Variants in CD36 observed in about 807,000 individuals in gnomAD.
The protein encoded by CD36 is CD36 molecule (CD36 blood group), also known as platelet glycoprotein 4.
A neutral mutation model predicts 55.2 loss-of-function variants in CD36; 119 were observed. The ratio of observed to expected loss-of-function variants is 2.15; its 90% CI spans 1.86 to 2.51. CD36 has a LOEUF of 2.51. CD36 is among the 30% of genes most tolerant of loss of function. The probability of loss-of-function intolerance (pLI) is 0.00; values close to 1 mark genes in which losing one functional copy is unlikely to be tolerated. For synonymous variants in CD36, 186 were observed against 193.6 expected (o/e 0.96, Z 0.33); for missense variants, 819 against 555.5 (o/e 1.47, Z -4.77).
intron 10 of CD36, among the ~76,000 whole-genome samples, 155 bp downstream of exon 10, chr7:80,671,319 A>G (rs927256991): frequency 6.6e-6 from 1 of 152,118 alleles, no homozygotes; most frequent in Non-Finnish European, 1.5e-5. Flanking sequence ...TCCTTTAGCA[A>G]CCAAAATTTA....
At chr7:80,643,679 C>T (rs1374959686) in intron 1 of CD36, among the ~76,000 whole-genome samples, 1 of 152,092 alleles carries the variant, frequency 6.6e-6, no homozygotes, top group Non-Finnish European at 1.5e-5. Flanking sequence ...TAATGCACTT[C>T]CACGTAAGAA....
chr7:80,647,051 T>A, intron 3 of CD36, 191 bp downstream of exon 3: 1 of 567,848 alleles, frequency 1.8e-6, no homozygotes, highest in Non-Finnish European at 3.1e-6. Flanking sequence ...TAATGTATAT[T>A]TAACATGACT....
At chr7:80,652,592 C>G (rs1322236922) in intron 3 of CD36, among the ~76,000 whole-genome samples, 1 of 152,054 alleles carries the variant, frequency 6.6e-6, no homozygotes, top group Non-Finnish European at 1.5e-5. Context: ...ATGGTAGCAG[C>G]TAGTGGGAAG....
chr7:80,646,790 C>A lies in CD36; in HGVS notation c.50C>A (p.Ala17Asp). The A allele has an allele frequency of 6.2e-7, 1 of 1,614,006 alleles. No individual in the cohort carries two copies. The highest frequency in any genetic ancestry group is 1.1e-5 in the South Asian group (1 of 91,082). ...CGLIAGAVIG[A>D]VLAVFGGILM... ...CTCATCGCTGGGGCTGTCATTGGTGCTGTCCTGGCTGTGTTTGGAGGTATT... is the reference window on the plus strand; with the variant it reads ...CTCATCGCTGGGGCTGTCATTGGTGATGTCCTGGCTGTGTTTGGAGGTATT... The change falls in exon 3 of 15, where the codon GCT (alanine) becomes GAT (aspartate). Residue 17 changes from alanine to aspartate, a missense_variant. Transcript: ENST00000447544.
intron 8 of CD36, 21 bp from the exon 9 acceptor site, chr7:80,669,932 T>A (rs1208447678): frequency 1.9e-6 from 3 of 1,578,014 alleles, no homozygotes; most frequent in Middle Eastern, 1.7e-4. Flanking sequence ...TCTAATCATT[T>A]GCCACTCGAT....
intron 8 of CD36, among the ~76,000 whole-genome samples, chr7:80,668,036 C>T (rs1797293104): frequency 6.6e-6 from 1 of 152,042 alleles, no homozygotes. Flanking sequence ...CTTGAGCCAC[C>T]ACACCTGGCC....
chr7:80,666,354 C>G, intron 7 of CD36, 89 bp from the exon 8 acceptor site: 1 of 835,710 alleles, frequency 1.2e-6, no homozygotes, highest in Non-Finnish European at 2.0e-6. Context: ...ATCATATTAA[C>G]AGAAGTATTG....
chr7:80,658,291 A>G (rs955528030), intron 4 of CD36, among the ~76,000 whole-genome samples: 1 of 152,178 alleles, frequency 6.6e-6, no homozygotes, highest in African/African-American at 2.4e-5. Context: ...ACATATATAT[A>G]TATGTATTCA....
chr7:80,607,675 T>C (rs775205438), intron 1 of CD36, among the ~76,000 whole-genome samples: 8 of 152,142 alleles, frequency 5.3e-5, no homozygotes. Context: ...ATCTACATCT[T>C]AGGGCTCCAA....
At chr7:80,667,556 G>C (rs1427329007) in intron 8 of CD36, among the ~76,000 whole-genome samples, 8 of 151,754 alleles carry the variant, frequency 5.3e-5, no homozygotes, top group Non-Finnish European at 5.9e-5. Flanking sequence ...TATCCCATAG[G>C]AAAATGATAT....
intron 8 of CD36, among the ~76,000 whole-genome samples, chr7:80,667,224 T>G (rs918381289): frequency 6.6e-6 from 1 of 151,772 alleles, no homozygotes; most frequent in African/African-American, 2.4e-5. Flanking sequence ...GCCCCGGAGG[T>G]TGAGACCAGC....
At chr7:80,652,500 T>TACAC (rs1795705318) in intron 3 of CD36, among the ~76,000 whole-genome samples, 1 of 152,214 alleles carries the variant, frequency 6.6e-6, no homozygotes, top group African/African-American at 2.4e-5. Flanking sequence ...ATTCTCAACT[T>TACAC]ACACACACTT....
chr7:80,640,302 G>T (rs182155154), intron 1 of CD36, among the ~76,000 whole-genome samples: 2 of 151,720 alleles, frequency 1.3e-5, no homozygotes. Flanking sequence ...TTCTACTTTT[G>T]TAAAATATAC....
At chr7:80,674,366 T>A in intron 14 of CD36, 1 of 496,990 alleles carries the variant, frequency 2.0e-6, no homozygotes, top group South Asian at 2.2e-5. Flanking sequence ...AAGATGTACT[T>A]GTGACCATTG....
intron 1 of CD36, among the ~76,000 whole-genome samples, chr7:80,607,578 A>G (rs1304163628): frequency 2.6e-5 from 4 of 152,060 alleles, no homozygotes; most frequent in African/African-American, 9.7e-5. Flanking sequence ...CAGATTTTCT[A>G]GGTTCCCATT....
At chr7:80,617,828 A>T (rs1007098738) in intron 1 of CD36, among the ~76,000 whole-genome samples, 4 of 152,080 alleles carry the variant, frequency 2.6e-5, no homozygotes, top group African/African-American at 9.7e-5. Context: ...TATTCTTTTC[A>T]ATTACATCTG....
intron 7 of CD36, among the ~76,000 whole-genome samples, chr7:80,665,309 T>C (rs1358689953): frequency 6.6e-6 from 1 of 152,036 alleles, no homozygotes; most frequent in Non-Finnish European, 1.5e-5. Context: ...TTCTTCTCCA[T>C]AAAATTAACA....
intron 5 of CD36, among the ~76,000 whole-genome samples, chr7:80,661,480 A>T (rs1482885158): frequency 1.3e-5 from 2 of 152,216 alleles, no homozygotes; most frequent in South Asian, 4.1e-4. Flanking sequence ...TTACAGGAAG[A>T]TGCTTAAGAA....
Position 80,678,681 on chromosome 7 carries a change from C to A in CD36, c.*2298C>A, listed in dbSNP as rs1328317618. On this transcript the variant is annotated 3_prime_UTR_variant, in exon 15 of 15. Transcript: ENST00000447544. ...CATCCTGGCCAACATGGTGAAACCTCATCTCTACTAAAAATACAAAAATGA... is the reference window on the plus strand; with the variant it reads ...CATCCTGGCCAACATGGTGAAACCTAATCTCTACTAAAAATACAAAAATGA... The A allele has an allele frequency of 1.3e-5, 2 of 152,046 alleles. No homozygotes were observed. Among genetic ancestry groups the A allele is most frequent in the African/African-American group, 4.8e-5 (2 of 41,416 alleles). 9.4% of individuals were successfully genotyped at this position (152,046 alleles called of 1,614,324 possible). A position where few individuals can be genotyped will look rare whatever the true frequency, so the allele number is the denominator to read the frequency against.
Sources: gnomAD v4.1 joint callset for allele counts (sites outside exome capture counted in the v4.1 genomes callset) on GRCh38, gnomAD v4.1.1 for gene constraint, MANE v1.5 for transcripts, NCBI Gene and HGNC (gene_info 2026-07-23, HGNC 2026-07-21) for gene names.